The following NOS1 variants were observed in gnomAD, a reference collection of about 807,000 sequenced individuals.
NOS1 encodes nitric oxide synthase 1, also known as NOS type I.
A neutral mutation model predicts 164.5 loss-of-function variants in NOS1; 51 were observed. That is an observed-to-expected ratio of 0.31 (90% CI 0.25 to 0.39). NOS1 has a LOEUF of 0.39. Ranked by LOEUF, NOS1 falls within the 10% of genes least tolerant of loss-of-function variation. The pLI, the probability that NOS1 is intolerant of heterozygous loss-of-function variation, is 1.00. For synonymous variants in NOS1, 719 were observed against 745.8 expected (o/e 0.96, Z 0.59); for missense variants, 1,362 against 1,885.6 (o/e 0.72, Z 5.14).
At position 117,268,034 on chromosome 12, in the gene NOS1, T is replaced by C; in HGVS notation, c.1941+9A>G. ...AGCTTGACCCTGGTGGTGCGGGCCC[T>C]GGTGTTACCTGGAAGCTATAGAGAA... is the stretch of plus-strand genomic sequence containing the variant. On this transcript the variant is annotated intron_variant, in intron 11 of 28. Transcript: ENST00000317775. The C allele has an allele frequency of 1.3e-6, 2 of 1,596,018 alleles. No homozygotes were observed. Among genetic ancestry groups the C allele is most frequent in the South Asian group, 1.1e-5 (1 of 90,534 alleles).
Position 117,234,889 on chromosome 12 carries a change from C to A in NOS1, c.3042-131G>T, listed in dbSNP as rs192512080. The A allele has an allele frequency of 8.7e-6, 5 of 577,012 alleles. No individual in the cohort carries two copies. The highest frequency in any genetic ancestry group is 1.5e-5 in the Non-Finnish European group (5 of 339,066). 35.7% of individuals were successfully genotyped at this position (577,012 alleles called of 1,614,324 possible). Reference sequence around the variant, plus strand: ...CTTGTTGGGGCCCGTGCTAACCAAGCCTATGCCCCCATCATTCTATTATTA... The same window carrying A: ...CTTGTTGGGGCCCGTGCTAACCAAGACTATGCCCCCATCATTCTATTATTA... On this transcript the variant is annotated intron_variant, in intron 20 of 28. Coordinates refer to ENST00000317775, the MANE Select transcript of NOS1 (RefSeq NM_000620.5). The surrounding 1 kb of genome is among the most constrained non-coding windows in gnomAD (Gnocchi z 4.3).
Position 117,214,034 on chromosome 12 carries a change from G to A in NOS1, c.*1275C>T. On this transcript the variant is annotated 3_prime_UTR_variant, in exon 29 of 29. Transcript: ENST00000317775. The stretch of plus-strand genomic sequence containing the variant: ...AAAACTTTGGAGATCAACTGCAGAG[G>A]GCAACAAGCCTGAGGGACAAGTTCT... The A allele has an allele frequency of 2.0e-6, 2 of 985,258 alleles. No homozygotes were observed. Among genetic ancestry groups the A allele is most frequent in the Non-Finnish European group, 2.4e-6 (2 of 829,918 alleles). The allele number at this position is 985,258 out of a possible 1,614,324, so 61.0% of individuals were successfully genotyped here. A position where few individuals can be genotyped will look rare whatever the true frequency, so the allele number is the denominator to read the frequency against.
intron 22 of NOS1, among the ~76,000 whole-genome samples, chr12:117,229,305 C>T (rs1006608215): frequency 6.6e-6 from 1 of 152,180 alleles, no homozygotes; most frequent in African/African-American, 2.4e-5. Flanking sequence ...GTCTCCAGGG[C>T]TACTCAAGGA....
chr12:117,271,979 G>T (rs1469290399), intron 10 of NOS1, among the ~76,000 whole-genome samples: 1 of 152,154 alleles, frequency 6.6e-6, no homozygotes, highest in Non-Finnish European at 1.5e-5. Context: ...ATTTAAGACC[G>T]AGAGGCAGCG....
chr12:117,344,924 G>T (rs1380979333), intron 1 of NOS1, among the ~76,000 whole-genome samples: 1 of 152,180 alleles, frequency 6.6e-6, no homozygotes, highest in Non-Finnish European at 1.5e-5. Context: ...TCATAGTCAG[G>T]AAAGGACTTG....
At chr12:117,256,128 G>A in intron 16 of NOS1, 1 of 623,092 alleles carries the variant, frequency 1.6e-6, no homozygotes, top group Non-Finnish European at 2.6e-6. Flanking sequence ...GGGTGGGAAG[G>A]AGAGAGGTAA....
chr12:117,305,518 C>G (rs933206008), intron 3 of NOS1, among the ~76,000 whole-genome samples: 1 of 151,108 alleles, frequency 6.6e-6, no homozygotes. Flanking sequence ...TGGCTTTGAG[C>G]AGGTAGAGGC....
At chr12:117,223,185 G>A (rs1192125451) in intron 25 of NOS1, among the ~76,000 whole-genome samples, 1 of 152,000 alleles carries the variant, frequency 6.6e-6, no homozygotes, top group Non-Finnish European at 1.5e-5. Context: ...CTGATGCCCA[G>A]ACTCTGGGCC....
At chr12:117,288,284 G>A (rs989295447) in intron 4 of NOS1, 65 bp from the exon 5 acceptor site, 5 of 1,510,044 alleles carry the variant, frequency 3.3e-6, no homozygotes, top group South Asian at 1.2e-5. Context: ...GTTAGGCTGT[G>A]GGCTTGGATC....
At chr12:117,266,354 C>T (rs146961557) in intron 11 of NOS1, among the ~76,000 whole-genome samples, 9 of 152,174 alleles carry the variant, frequency 5.9e-5, no homozygotes, top group East Asian at 3.9e-4. Flanking sequence ...TGAGAACATA[C>T]GATGTTTGGT....
chr12:117,287,263 G>T lies in NOS1; in HGVS notation c.1127+811C>A, dbSNP rs543686575. 1.4e-4 allele frequency among the ~76,000 whole-genome samples: 21 copies of T among 152,232 alleles called. No homozygotes were observed. In the South Asian group the frequency reaches 2.3e-3, roughly 17 times the overall value. ...TCATATAAATGGTGCTATACTGGATGTATCCTTTTACAATTTATCCTTTCT... is the reference window on the plus strand; with the variant it reads ...TCATATAAATGGTGCTATACTGGATTTATCCTTTTACAATTTATCCTTTCT... On this transcript the variant is annotated intron_variant, in intron 5 of 28. Coordinates refer to ENST00000317775, the MANE Select transcript of NOS1 (RefSeq NM_000620.5).
chr12:117,219,605 C>A (rs768812277), intron 27 of NOS1, among the ~76,000 whole-genome samples: 4 of 152,142 alleles, frequency 2.6e-5, no homozygotes, highest in Non-Finnish European at 5.9e-5. Flanking sequence ...CCGAGCCCAG[C>A]CGGGGTGAGT....
rs1313973368 is a variant in NOS1, at chr12:117,260,456, C to A, written c.2367+9G>T. The A allele has an allele frequency of 1.2e-6, 2 of 1,612,972 alleles. No individual in the cohort carries two copies. The highest frequency in any genetic ancestry group is 1.7e-6 in the Non-Finnish European group (2 of 1,179,040). ...GAAGCTGGTGGAGCTAGGGCTACCCCCCACCTACCTTGGCATCAAAGGCGT... is the reference window on the plus strand; with the variant it reads ...GAAGCTGGTGGAGCTAGGGCTACCCACCACCTACCTTGGCATCAAAGGCGT... On this transcript the variant is annotated intron_variant, in intron 14 of 28. Transcript: ENST00000317775.
chr12:117,281,921 C>G (rs1873706066), intron 7 of NOS1, among the ~76,000 whole-genome samples: 1 of 151,956 alleles, frequency 6.6e-6, no homozygotes. Context: ...CTTTGCCCAC[C>G]CTCCTTACCA....
At chr12:117,322,493 TCTC>T (rs1875016311) in intron 2 of NOS1, among the ~76,000 whole-genome samples, 1 of 99,644 alleles carries the variant, frequency 1.0e-5, no homozygotes, top group Admixed American at 1.0e-4. Flanking sequence ...TCCTTTCCTC[TCTC>T]CTTCTTCCCT....
At position 117,308,319 on chromosome 12, in the gene NOS1, C is replaced by T. The variant is rs1874252785; in HGVS notation, c.852+3147G>A. Among the ~76,000 whole-genome samples, 5 of 152,166 alleles carry T rather than the reference C, an allele frequency of 3.3e-5. No individual in the cohort carries two copies. In the South Asian group the frequency reaches 1.0e-3, roughly 32 times the overall value. On this transcript the variant is annotated intron_variant, in intron 3 of 28. Coordinates refer to ENST00000317775, the MANE Select transcript of NOS1 (RefSeq NM_000620.5). ...ACTAGGAGTTCGAGACCAGCCTGGG[C>T]AACATAGCAAGATCCCGTTTCTACA... is the stretch of plus-strand genomic sequence containing the variant.
At chr12:117,357,040 A>G (rs1457984429) in intron 1 of NOS1, among the ~76,000 whole-genome samples, 1 of 152,188 alleles carries the variant, frequency 6.6e-6, no homozygotes, top group African/African-American at 2.4e-5. Context: ...GAATTTTTCT[A>G]GGCCTGGCGT....
In NOS1 at chr12:117,215,302, G is replaced by A. The variant is rs748322402; in HGVS notation, c.*7C>T. 2.6e-6 allele frequency: 4 copies of A among 1,556,354 alleles called. No homozygotes were observed. The highest frequency in any genetic ancestry group is 3.5e-6 in the Non-Finnish European group (4 of 1,149,790). Reference sequence around the variant, plus strand: ...AAACTTGCAGCCGGCTGGGCAAGAGGGTCCAGTTAGGAGCTGAAAACCCTG... The same window carrying A: ...AAACTTGCAGCCGGCTGGGCAAGAGAGTCCAGTTAGGAGCTGAAAACCCTG... On this transcript the variant is annotated 3_prime_UTR_variant, in exon 29 of 29. Transcript: ENST00000317775.
chr12:117,334,326 T>C lies in NOS1; in HGVS notation c.-420-2837A>G, dbSNP rs1485653699. ...AAGCTGGGCTGGGGAGAGGCAGATA[T>C]ATTTTCTGTCTGCTGAGAGACAGAG... is the stretch of plus-strand genomic sequence containing the variant. On this transcript the variant is annotated intron_variant, in intron 1 of 28. Coordinates refer to ENST00000317775, the MANE Select transcript of NOS1 (RefSeq NM_000620.5). 3.9e-5 allele frequency among the ~76,000 whole-genome samples: 6 copies of C among 152,102 alleles called. No homozygotes were observed. The East Asian group carries it at 1.2e-3, about 29-fold the overall frequency.
Sources: allele counts gnomAD v4.1 joint callset (sites outside exome capture counted in the v4.1 genomes callset), GRCh38; gene constraint gnomAD v4.1.1; non-coding constraint Gnocchi (gnomAD v3.1); transcripts MANE v1.5; gene names NCBI Gene and HGNC (gene_info 2026-07-23, HGNC 2026-07-21).